The following NKAIN2 variants were observed in gnomAD, a reference collection of about 807,000 sequenced individuals.
The protein encoded by NKAIN2 is sodium/potassium-transporting ATPase subunit beta-1-interacting protein 2.
Under a neutral mutation model 32.6 loss-of-function variants are expected in NKAIN2, and 14 were observed. The observed-to-expected ratio is 0.43, with a 90% CI of 0.28 to 0.67. NKAIN2 has a LOEUF of 0.67. Ranked by LOEUF, NKAIN2 falls within the 30% of genes least tolerant of loss-of-function variation. NKAIN2 has a pLI of 0.17. For missense variants in NKAIN2, 198 were observed against 258.3 expected, an observed-to-expected ratio of 0.77 and a Z score of 1.60; for synonymous variants, 80 against 87.2, an observed-to-expected ratio of 0.92 and a Z score of 0.46.
At chr6:124,220,678 A>G (rs1027086789) in intron 1 of NKAIN2, among the ~76,000 whole-genome samples, 5 of 151,600 alleles carry the variant, frequency 3.3e-5, no homozygotes, top group Admixed American at 6.6e-5. Context: ...TTTTCTAATA[A>G]TTTTGCCCCA....
At chr6:124,193,607 G>A (rs1790141859) in intron 1 of NKAIN2, among the ~76,000 whole-genome samples, 4 of 152,164 alleles carry the variant, frequency 2.6e-5, no homozygotes, top group Non-Finnish European at 5.9e-5. Flanking sequence ...AACATTGTGA[G>A]CAAGGGACGT....
intron 3 of NKAIN2, among the ~76,000 whole-genome samples, chr6:124,614,394 GA>G (rs1182511682): frequency 1.3e-5 from 2 of 151,930 alleles, no homozygotes; most frequent in Admixed American, 6.6e-5. Context: ...ACTCTGTCTC[GA>G]AAAAAATTAA....
At chr6:124,613,894 A>G (rs1439410383) in intron 3 of NKAIN2, among the ~76,000 whole-genome samples, 1 of 152,220 alleles carries the variant, frequency 6.6e-6, no homozygotes, top group Non-Finnish European at 1.5e-5. Flanking sequence ...TATATGTGGA[A>G]TAATGAAGCT....
chr6:124,805,958 G>A (rs529771938), intron 5 of NKAIN2, among the ~76,000 whole-genome samples: 21 of 152,138 alleles, frequency 1.4e-4, no homozygotes, highest in East Asian at 3.9e-4. Context: ...AAAAAGAAAC[G>A]AACAAAGCCT....
intron 1 of NKAIN2, among the ~76,000 whole-genome samples, chr6:124,150,641 T>C (rs1483885605): frequency 2.0e-5 from 3 of 152,302 alleles, no homozygotes; most frequent in East Asian, 1.9e-4. Flanking sequence ...CTCAATTCTG[T>C]ATGAAAATCT....
At chr6:124,578,826 C>T (rs146996437) in intron 3 of NKAIN2, among the ~76,000 whole-genome samples, 1 of 152,138 alleles carries the variant, frequency 6.6e-6, no homozygotes, top group African/African-American at 2.4e-5. Flanking sequence ...GTGCTTTTGT[C>T]ACCCCTCCCC....
chr6:124,471,228 T>A (rs1396215773), intron 3 of NKAIN2, among the ~76,000 whole-genome samples: 1 of 152,214 alleles, frequency 6.6e-6, no homozygotes, highest in East Asian at 1.9e-4. Flanking sequence ...TTTGATATAT[T>A]TTGTTTTTGG....
At chr6:124,212,596 A>T (rs1791245229) in intron 1 of NKAIN2, among the ~76,000 whole-genome samples, 1 of 152,146 alleles carries the variant, frequency 6.6e-6, no homozygotes, top group African/African-American at 2.4e-5. Flanking sequence ...ACACTTTCAT[A>T]GTCATTGCTA....
At chr6:124,412,728 G>A (rs1006374426) in intron 3 of NKAIN2, among the ~76,000 whole-genome samples, 2 of 152,224 alleles carry the variant, frequency 1.3e-5, no homozygotes, top group Non-Finnish European at 2.9e-5. Context: ...TAAGTCTGCA[G>A]AGGTTACTGC....
intron 1 of NKAIN2, among the ~76,000 whole-genome samples, chr6:124,246,632 A>G (rs1013430786): frequency 6.6e-6 from 1 of 152,062 alleles, no homozygotes; most frequent in African/African-American, 2.4e-5. Flanking sequence ...GCAATACAAT[A>G]GATCTGGACT....
chr6:124,209,753 CTTATA>C (rs1791078524), intron 1 of NKAIN2, among the ~76,000 whole-genome samples: 1 of 151,686 alleles, frequency 6.6e-6, no homozygotes, highest in African/African-American at 2.4e-5. Context: ...ATTTGTATGT[CTTATA>C]TTGAGAAATG....
intron 1 of NKAIN2, among the ~76,000 whole-genome samples, chr6:124,141,194 A>G (rs1787120721): frequency 1.3e-5 from 2 of 152,172 alleles, no homozygotes. Flanking sequence ...GGAAAAAATA[A>G]TCAAGATTTA....
chr6:124,335,801 T>C (rs1797837372), intron 2 of NKAIN2, among the ~76,000 whole-genome samples: 1 of 152,212 alleles, frequency 6.6e-6, no homozygotes, highest in South Asian at 2.1e-4. Context: ...AGACATCTAA[T>C]ATTACATGTA....
intron 3 of NKAIN2, among the ~76,000 whole-genome samples, chr6:124,461,167 G>A (rs1010820372): frequency 6.6e-6 from 1 of 151,712 alleles, no homozygotes; most frequent in Non-Finnish European, 1.5e-5. Flanking sequence ...CTCAGGAATA[G>A]CAAAACTCTT....
intron 1 of NKAIN2, among the ~76,000 whole-genome samples, chr6:123,928,378 T>A (rs1776104932): frequency 6.6e-6 from 1 of 152,162 alleles, no homozygotes; most frequent in Non-Finnish European, 1.5e-5. Flanking sequence ...TTGGTAAGCC[T>A]GCACATATAC....
chr6:124,526,233 C>G (rs1779308201), intron 3 of NKAIN2, among the ~76,000 whole-genome samples: 1 of 152,018 alleles, frequency 6.6e-6, no homozygotes, highest in African/African-American at 2.4e-5. Flanking sequence ...GTACAGAAGG[C>G]AAGTGCATTT....
At chr6:123,883,270 AAGT>A (rs1773539421) in intron 1 of NKAIN2, among the ~76,000 whole-genome samples, 1 of 151,778 alleles carries the variant, frequency 6.6e-6, no homozygotes, top group African/African-American at 2.4e-5. Context: ...TCAGCCTCCC[AAGT>A]AGCTGGGACT....
chr6:124,174,480 A>C (rs1399714323), intron 1 of NKAIN2, among the ~76,000 whole-genome samples: 2 of 152,210 alleles, frequency 1.3e-5, no homozygotes, highest in African/African-American at 4.8e-5. Context: ...TCATAATTTT[A>C]GTAATTTAGC....
At chr6:124,665,940 T>C (rs1772775386) in intron 4 of NKAIN2, among the ~76,000 whole-genome samples, 1 of 82,408 alleles carries the variant, frequency 1.2e-5, no homozygotes, top group South Asian at 3.6e-4. Flanking sequence ...AACTAAGTCT[T>C]CCAGATTCTT....
Sources: allele counts gnomAD v4.1 joint callset (sites outside exome capture counted in the v4.1 genomes callset), GRCh38; gene constraint gnomAD v4.1.1; transcripts MANE v1.5; gene names NCBI Gene and HGNC (gene_info 2026-07-23, HGNC 2026-07-21).